Variants in EGFR observed in about 807,000 individuals in gnomAD.
The protein encoded by EGFR is avian erythroblastic leukemia viral (v-erb-b) oncogene homolog.
A neutral mutation model predicts 143.0 loss-of-function variants in EGFR; 58 were observed. That is an observed-to-expected ratio of 0.41 (90% CI 0.33 to 0.50). The LOEUF (loss-of-function observed/expected upper bound fraction) is 0.50. EGFR is among the 20% of genes least tolerant of loss of function. The pLI, the probability that EGFR is intolerant of heterozygous loss-of-function variation, is 0.39. For synonymous variants in EGFR, 613 were observed against 594.4 expected, an observed-to-expected ratio of 1.03 and a Z score of -0.45; for missense variants, 1,307 against 1,579.0, an observed-to-expected ratio of 0.83 and a Z score of 2.92.
In EGFR at chr7:55,143,398, T is replaced by C. The variant is rs2128927369; in HGVS notation, c.334T>C (p.Tyr112His). 1 of 1,614,220 alleles carries C rather than the reference T, an allele frequency of 6.2e-7. No homozygotes were observed. Among genetic ancestry groups the C allele is most frequent in the Middle Eastern group, 1.6e-4 (1 of 6,062 alleles). ...ENLQIIRGNM[Y>H]YENSYALAVL... is the part of the protein sequence containing the mutation. ...CCTGCAGATCATCAGAGGAAATATG[T>C]ACTACGAAAATTCCTATGCCTTAGC... is the stretch of plus-strand genomic sequence containing the variant. Residue 112 changes from tyrosine to histidine, a missense_variant, in exon 3 of 28, where the codon TAC (tyrosine) becomes CAC (histidine). By Grantham distance (83) the Tyr-to-His change is moderately conservative (BLOSUM62 2). Around this residue, in one of 7 missense-constraint regions of EGFR, gnomAD observed 311 missense variants for 412.3 expected, o/e 0.75. Transcript: ENST00000275493.
At chr7:55,202,920 A>G (rs893733594) in intron 27 of EGFR, 21 of 636,324 alleles carry the variant, frequency 3.3e-5, no homozygotes, top group Non-Finnish European at 5.4e-5. Flanking sequence ...GTGAGTGTTC[A>G]TGATGTGTGT....
intron 1 of EGFR, among the ~76,000 whole-genome samples, chr7:55,107,376 T>C (rs747431489): frequency 2.6e-5 from 4 of 152,264 alleles, no homozygotes; most frequent in Non-Finnish European, 5.9e-5. Flanking sequence ...TGATGTTATT[T>C]GATGACAGAG....
chr7:55,186,577 C>G (rs921722833), intron 20 of EGFR, among the ~76,000 whole-genome samples: 2 of 152,132 alleles, frequency 1.3e-5, no homozygotes, highest in African/African-American at 2.4e-5. Flanking sequence ...TTTGTTCTTG[C>G]GTATTCCACA....
intron 1 of EGFR, among the ~76,000 whole-genome samples, chr7:55,135,200 T>C (rs950776516): frequency 3.9e-5 from 6 of 152,054 alleles, no homozygotes; most frequent in Non-Finnish European, 7.4e-5. Flanking sequence ...AGGAGAATCA[T>C]GGGGTTGGAA....
chr7:55,200,047 A>T (rs1163030797), intron 23 of EGFR, among the ~76,000 whole-genome samples: 1 of 152,226 alleles, frequency 6.6e-6, no homozygotes, highest in Non-Finnish European at 1.5e-5. Flanking sequence ...CCTCAGGCGT[A>T]ACACAGGATG....
chr7:55,025,839 A>C (rs983186392), intron 1 of EGFR, among the ~76,000 whole-genome samples: 30 of 152,172 alleles, frequency 2.0e-4, no homozygotes, highest in Non-Finnish European at 3.2e-4. Context: ...CTGGTAATAT[A>C]ATATATTGTG....
chr7:55,058,204 G>A (rs111599093), intron 1 of EGFR, among the ~76,000 whole-genome samples: 25,720 of 152,148 alleles, frequency 0.17, 2,524 homozygotes, highest in African/African-American at 0.27. Flanking sequence ...GACCAGCCTG[G>A]CCAAGATGGT....
intron 1 of EGFR, among the ~76,000 whole-genome samples, chr7:55,141,550 G>C (rs1794459981): frequency 6.6e-6 from 1 of 152,192 alleles, no homozygotes; most frequent in Non-Finnish European, 1.5e-5. Context: ...TTTCTCACTA[G>C]CTGAGAGTGT....
intron 22 of EGFR, among the ~76,000 whole-genome samples, chr7:55,198,436 C>T (rs1787712014): frequency 6.6e-6 from 1 of 152,106 alleles, no homozygotes; most frequent in Admixed American, 6.5e-5. Flanking sequence ...CAAAGTTTAC[C>T]ACTTATCAGT....
intron 1 of EGFR, among the ~76,000 whole-genome samples, chr7:55,093,303 G>A (rs540827180): frequency 3.2e-4 from 48 of 152,272 alleles, no homozygotes; most frequent in African/African-American, 1.1e-3. Context: ...TTGAAATGAT[G>A]AAAATCATTT....
chr7:55,035,705 A>G (rs941501433), intron 1 of EGFR, among the ~76,000 whole-genome samples: 1 of 150,522 alleles, frequency 6.6e-6, no homozygotes, highest in African/African-American at 2.4e-5. Flanking sequence ...AAAAAAAAGG[A>G]TAAAGAAATC....
At chr7:55,130,064 G>A (rs1793745048) in intron 1 of EGFR, among the ~76,000 whole-genome samples, 1 of 152,194 alleles carries the variant, frequency 6.6e-6, no homozygotes, top group African/African-American at 2.4e-5. Context: ...CATATGATGG[G>A]TGAAGCTGAA....
intron 15 of EGFR, among the ~76,000 whole-genome samples, chr7:55,168,023 T>C (rs1382577471): frequency 6.6e-6 from 1 of 152,212 alleles, no homozygotes; most frequent in African/African-American, 2.4e-5. Context: ...TTTTAACTGT[T>C]TTTTAAAATC....
rs61541412 is a variant in EGFR, at chr7:55,196,178, A to ATTTTTTTTTTTTTTTTTTTTTTT, written c.2702-2524_2702-2523insTTTTTTTTTTTTTTTTTTTTTTT. ...CACAACCTCACCAGCATGTGTTGGG[A>ATTTTTTTTTTTTTTTTTTTTTTT]TTTTTTTTTTTTTTTACTTTTCAAT... On this transcript the variant is annotated intron_variant, in intron 22 of 27. Coordinates refer to ENST00000275493, the MANE Select transcript of EGFR (RefSeq NM_005228.5). Among the ~76,000 whole-genome samples the ATTTTTTTTTTTTTTTTTTTTTTT allele has an allele frequency of 5.9e-3, 517 of 88,004 alleles. 9 individuals carry two copies. Among genetic ancestry groups the ATTTTTTTTTTTTTTTTTTTTTTT allele is most frequent in the Non-Finnish European group, 6.8e-3 (332 of 49,060 alleles). 57.7% of individuals were successfully genotyped at this position (88,004 alleles called of 152,430 possible).
At chr7:55,118,893 A>G (rs1176000506) in intron 1 of EGFR, among the ~76,000 whole-genome samples, 1 of 149,128 alleles carries the variant, frequency 6.7e-6, no homozygotes, top group Admixed American at 6.8e-5. Context: ...TATTTTACTT[A>G]AAAAACTCAT....
chr7:55,189,260 G>T (rs978576815), intron 20 of EGFR, among the ~76,000 whole-genome samples: 8 of 152,132 alleles, frequency 5.3e-5, no homozygotes, highest in African/African-American at 1.9e-4. Context: ...GGGGTCTCAG[G>T]GTATTTGGTC....
intron 1 of EGFR, among the ~76,000 whole-genome samples, chr7:55,102,703 A>G (rs917604270): frequency 2.0e-5 from 3 of 152,256 alleles, no homozygotes; most frequent in African/African-American, 7.2e-5. Context: ...AATGAAATTT[A>G]TATACCACAT....
At chr7:55,172,405 C>A (rs1357273417) in intron 16 of EGFR, among the ~76,000 whole-genome samples, 2 of 152,168 alleles carry the variant, frequency 1.3e-5, no homozygotes, top group Non-Finnish European at 2.9e-5. Flanking sequence ...TGACATCACT[C>A]ATCACAATGA....
At chr7:55,126,341 A>G (rs943889786) in intron 1 of EGFR, among the ~76,000 whole-genome samples, 9 of 152,240 alleles carry the variant, frequency 5.9e-5, no homozygotes, top group Admixed American at 2.0e-4. Context: ...CGATGACAAC[A>G]GCAACCACTT....
Sources: gnomAD v4.1 joint callset for allele counts (sites outside exome capture counted in the v4.1 genomes callset) on GRCh38, gnomAD v4.1.1 for gene constraint, gnomAD v4.1.1 regional missense constraint, MANE v1.5 for transcripts, NCBI Gene and HGNC (gene_info 2026-07-23, HGNC 2026-07-21) for gene names.